AKR1C1: variants seen among roughly 807,000 people sequenced by gnomAD.
AKR1C1 encodes the protein 20 alpha-hydroxysteroid dehydrogenase.
In AKR1C1, 32 loss-of-function variants were observed where a neutral mutation model predicts 40.6. The ratio of observed to expected loss-of-function variants is 0.79; its 90% CI spans 0.60 to 1.06. The LOEUF (loss-of-function observed/expected upper bound fraction) is 1.06. Among genes scored for constraint, AKR1C1 ranks in the 50% least tolerant of loss-of-function variants. The pLI is 0.00. For missense variants in AKR1C1, 320 were observed against 363.5 expected (o/e 0.88, Z 0.97); for synonymous variants, 105 against 134.2 (o/e 0.78, Z 1.50).
intron 7 of AKR1C1, among the ~76,000 whole-genome samples, chr10:4,974,354 C>A (rs1554770247): frequency 6.6e-6 from 1 of 151,546 alleles, no homozygotes; most frequent in Non-Finnish European, 1.5e-5. Flanking sequence ...TAAATGTATT[C>A]TTGAAATAAC....
At chr10:4,969,559 G>A (rs1836390794) in intron 5 of AKR1C1, 8 of 1,123,628 alleles carry the variant, frequency 7.1e-6, no homozygotes, top group Non-Finnish European at 9.1e-6. Context: ...GGAAGGTTCA[G>A]CAGAACATGG....
intron 8 of AKR1C1, among the ~76,000 whole-genome samples, chr10:4,976,231 T>C (rs1836524487): frequency 6.6e-6 from 1 of 152,258 alleles, no homozygotes; most frequent in East Asian, 1.9e-4. Flanking sequence ...CTGTTTGTGC[T>C]ACTGTCTAGT....
At chr10:4,965,804 A>C in intron 1 of AKR1C1, 110 bp from the exon 2 acceptor site, 1 of 1,278,532 alleles carries the variant, frequency 7.8e-7, no homozygotes, top group Non-Finnish European at 1.1e-6. Flanking sequence ...TACATACAGA[A>C]CTCATCCAAG....
chr10:4,965,696 A>C (rs1836319215), intron 1 of AKR1C1: 1 of 494,052 alleles, frequency 2.0e-6, no homozygotes, highest in Non-Finnish European at 3.5e-6. Context: ...ACTAGTGGTC[A>C]AGCAGTGATT....
In AKR1C1 at chr10:4,981,719, A is replaced by G. The variant is rs527321975; in HGVS notation, c.*3977A>G. On this transcript the variant is annotated 3_prime_UTR_variant, in exon 9 of 9. Coordinates refer to ENST00000380872, the MANE Select transcript of AKR1C1 (RefSeq NM_001353.6). ...ATACATCCCCACTGGGGATCTGGAA[A>G]TTCAGGCCACAAGAGAAGGCTTTGA... The G allele has an allele frequency of 6.6e-6, 1 of 152,214 alleles. No homozygotes were observed. Among genetic ancestry groups the G allele is most frequent in the African/African-American group, 2.4e-5 (1 of 41,546 alleles). The allele number at this position is 152,214 out of a possible 1,614,324, so 9.4% of individuals were successfully genotyped here.
chr10:4,974,234 A>T lies in AKR1C1; in HGVS notation c.846+1485A>T, dbSNP rs3923937. Among the ~76,000 whole-genome samples, 354 of 151,970 alleles carry T rather than the reference A, an allele frequency of 2.3e-3. 1 individual carries two copies. In the East Asian group the frequency reaches 0.038, roughly 16 times the overall value. On this transcript the variant is annotated intron_variant, in intron 7 of 8. Coordinates refer to ENST00000380872, the MANE Select transcript of AKR1C1 (RefSeq NM_001353.6). ...TACATATGTGTATGTTCTCTAATTCATCTAGTATATATAGATATATGACAT... is the reference window on the plus strand; with the variant it reads ...TACATATGTGTATGTTCTCTAATTCTTCTAGTATATATAGATATATGACAT...
At chr10:4,969,652 T>C (rs1362257168) in intron 5 of AKR1C1, 1 of 1,608,094 alleles carries the variant, frequency 6.2e-7, no homozygotes, top group East Asian at 2.2e-5. Flanking sequence ...AACACATCTA[T>C]TCTCTATGTG....
intron 5 of AKR1C1, among the ~76,000 whole-genome samples, chr10:4,971,523 A>AT (rs1554769833): frequency 0.091 from 4,997 of 55,206 alleles, 93 homozygotes; most frequent in African/African-American, 0.17. Flanking sequence ...ATATATATAT[A>AT]AAATATATAT....
rs1836643020 is a variant in AKR1C1, at chr10:4,982,931, C to T, written c.*5189C>T. 1 of 450,676 alleles carries T rather than the reference C, an allele frequency of 2.2e-6. No homozygotes were observed. The highest frequency in any genetic ancestry group is 7.0e-5 in the East Asian group (1 of 14,258). 27.9% of individuals were successfully genotyped at this position (450,676 alleles called of 1,614,324 possible). On this transcript the variant is annotated 3_prime_UTR_variant, in exon 9 of 9. Coordinates refer to ENST00000380872, the MANE Select transcript of AKR1C1 (RefSeq NM_001353.6). ...CGGTCCGCATGACAAGTTCACCGCTCGCATAACCAGCATTCAAGAAAGCCA... is the reference window on the plus strand; with the variant it reads ...CGGTCCGCATGACAAGTTCACCGCTTGCATAACCAGCATTCAAGAAAGCCA...
intron 7 of AKR1C1, among the ~76,000 whole-genome samples, chr10:4,974,753 C>A (rs1836499451): frequency 6.6e-6 from 1 of 152,104 alleles, no homozygotes; most frequent in Non-Finnish European, 1.5e-5. Context: ...TCTGGCCTCT[C>A]TTCCATCTTC....
Position 4,982,854 on chromosome 10 carries a change from G to A in AKR1C1, c.*5112G>A. The A allele has an allele frequency of 2.5e-6, 1 of 405,114 alleles. No individual in the cohort carries two copies. Among genetic ancestry groups the A allele is most frequent in the South Asian group, 1.8e-5 (1 of 54,424 alleles). The allele number at this position is 405,114 out of a possible 1,614,324, so 25.1% of individuals were successfully genotyped here. A position where few individuals can be genotyped will look rare whatever the true frequency, so the allele number is the denominator to read the frequency against. On this transcript the variant is annotated 3_prime_UTR_variant, in exon 9 of 9. Transcript: ENST00000380872. The stretch of plus-strand genomic sequence containing the variant: ...CAGGAAGGAGAAAATGCCTGCATGA[G>A]CTCAGCTGTTACCACTGCGTACCAC...
In AKR1C1 at chr10:4,979,481, G is replaced by C. The variant is rs1482710920; in HGVS notation, c.*1739G>C. 6.6e-6 allele frequency: 1 copy of C among 152,094 alleles called. No homozygotes were observed. Among genetic ancestry groups the C allele is most frequent in the Admixed American group, 6.5e-5 (1 of 15,276 alleles). 9.4% of individuals were successfully genotyped at this position (152,094 alleles called of 1,614,324 possible). On this transcript the variant is annotated 3_prime_UTR_variant, in exon 9 of 9. Transcript: ENST00000380872. The stretch of plus-strand genomic sequence containing the variant: ...TCTACCTTAACTTTCTGAGTCTATG[G>C]AATGATAATTTCACATCTCATAAAC...
At chr10:4,971,266 C>T (rs577650339) in intron 5 of AKR1C1, among the ~76,000 whole-genome samples, 1 of 152,066 alleles carries the variant, frequency 6.6e-6, no homozygotes, top group South Asian at 2.1e-4. Context: ...AATGATTTCT[C>T]ACCAAGTAAA....
At position 4,978,150 on chromosome 10, in the gene AKR1C1, A is replaced by C. The variant is rs1836555620; in HGVS notation, c.*408A>C. 5.0e-6 allele frequency: 1 copy of C among 199,846 alleles called. No homozygotes were observed. The highest frequency in any genetic ancestry group is 6.4e-5 in the Admixed American group (1 of 15,680). 12.4% of individuals were successfully genotyped at this position (199,846 alleles called of 1,614,324 possible). A position where few individuals can be genotyped will look rare whatever the true frequency, so the allele number is the denominator to read the frequency against. On this transcript the variant is annotated 3_prime_UTR_variant, in exon 9 of 9. Coordinates refer to ENST00000380872, the MANE Select transcript of AKR1C1 (RefSeq NM_001353.6). ...AAGGGGCAGGTGACAGGTATTTATC[A>C]GTCAGTGCCTCTCTAGCTCTTGTAG...
Position 4,970,391 on chromosome 10 carries a change from G to A in AKR1C1, c.570+1447G>A, listed in dbSNP as rs567158100. 2.6e-5 allele frequency among the ~76,000 whole-genome samples: 4 copies of A among 152,166 alleles called. No individual in the cohort carries two copies. The East Asian group carries it at 7.7e-4, about 29-fold the overall frequency. On this transcript the variant is annotated intron_variant, in intron 5 of 8. Coordinates refer to ENST00000380872, the MANE Select transcript of AKR1C1 (RefSeq NM_001353.6). ...AGTTAACTTGTTTTTCCCAGTTGTT[G>A]AAGGTTTCTGTAAATTAGAAGTTAG...
intron 7 of AKR1C1, among the ~76,000 whole-genome samples, chr10:4,973,221 TA>T (rs534956879): frequency 5.6e-4 from 85 of 151,832 alleles, no homozygotes; most frequent in African/African-American, 1.9e-3. Flanking sequence ...TAGGAGACCA[TA>T]TTTATACCAA....
rs1161332226 is a variant in AKR1C1, at chr10:4,969,666, C to T, written c.570+722C>T. On this transcript the variant is annotated intron_variant, in intron 5 of 8. Coordinates refer to ENST00000380872, the MANE Select transcript of AKR1C1 (RefSeq NM_001353.6). ...AAACACATCTATTCTCTATGTGTTC[C>T]TTTTGTAGCCTAGAGATAATTCCAT... is the stretch of plus-strand genomic sequence containing the variant. 3.7e-6 allele frequency: 6 copies of T among 1,610,204 alleles called. No homozygotes were observed. The South Asian group carries it at 4.4e-5, about 12-fold the overall frequency.
intron 7 of AKR1C1, among the ~76,000 whole-genome samples, chr10:4,972,984 A>G (rs1836463485): frequency 6.6e-6 from 1 of 152,290 alleles, no homozygotes; most frequent in Admixed American, 6.5e-5. Context: ...TAAGTCAGTG[A>G]TATCCATATC....
At position 4,978,596 on chromosome 10, in the gene AKR1C1, A is replaced by T. The variant is rs1348488786; in HGVS notation, c.*854A>T. Reference sequence around the variant, plus strand: ...AATCACATTCCCCTGAATAGCTCATATTTAGAAAATATTCTTAGATTCTAA... The same window carrying T: ...AATCACATTCCCCTGAATAGCTCATTTTTAGAAAATATTCTTAGATTCTAA... On this transcript the variant is annotated 3_prime_UTR_variant, in exon 9 of 9. Transcript: ENST00000380872. The T allele has an allele frequency of 2.6e-5, 4 of 152,170 alleles. No individual in the cohort carries two copies. The highest frequency in any genetic ancestry group is 9.7e-5 in the African/African-American group (4 of 41,436). 9.4% of individuals were successfully genotyped at this position (152,170 alleles called of 1,614,324 possible). A position where few individuals can be genotyped will look rare whatever the true frequency, so the allele number is the denominator to read the frequency against.
Sources: gnomAD v4.1 joint callset for allele counts (sites outside exome capture counted in the v4.1 genomes callset) on GRCh38, gnomAD v4.1.1 for gene constraint, MANE v1.5 for transcripts, NCBI Gene and HGNC (gene_info 2026-07-23, HGNC 2026-07-21) for gene names.